SQSTM1: variants seen among roughly 807,000 people sequenced by gnomAD.
SQSTM1 encodes sequestosome-1.
In SQSTM1, 36 loss-of-function variants were observed where a neutral mutation model predicts 45.1. That is an observed-to-expected ratio of 0.80 (90% CI 0.61 to 1.05). The LOEUF (loss-of-function observed/expected upper bound fraction) is 1.05, where lower values mean the gene tolerates loss of function less well. Among genes scored for constraint, SQSTM1 ranks in the 50% least tolerant of loss-of-function variants. The pLI is 0.00. For synonymous variants in SQSTM1, 290 were observed against 244.3 expected, an observed-to-expected ratio of 1.19 and a Z score of -1.74; for missense variants, 617 against 607.1, an observed-to-expected ratio of 1.02 and a Z score of -0.17.
upstream of SQSTM1, among the ~76,000 whole-genome samples, chr5:179,818,012 CAAAAAAAAAAAAAA>C (rs528143529): frequency 1.4e-4 from 4 of 29,182 alleles, no homozygotes; most frequent in African/African-American, 3.6e-4. Context: ...GAGACTGTCT[CAAAAAAAAAAAAAA>C]AAAAAAAAAA....
intron 1 of SQSTM1, among the ~76,000 whole-genome samples, chr5:179,809,368 G>A (rs1485668942): frequency 9.0e-6 from 1 of 110,664 alleles, no homozygotes; most frequent in South Asian, 3.0e-4. Context: ...ACAGAGTCTC[G>A]CTATGTCGCC....
At chr5:179,811,905 C>G (rs577572718) in intron 2 of SQSTM1, 2 of 152,176 alleles carry the variant, frequency 1.3e-5, no homozygotes, top group Admixed American at 6.6e-5. Context: ...CCCGGGTTCA[C>G]ACCATTCTCC....
chr5:179,814,914 C>T (rs1271837546), upstream of SQSTM1, among the ~76,000 whole-genome samples: 1 of 152,128 alleles, frequency 6.6e-6, no homozygotes, highest in Non-Finnish European at 1.5e-5. Context: ...AAAGTGAGAC[C>T]TTGTCTCTAA....
intron 5 of SQSTM1, among the ~76,000 whole-genome samples, chr5:179,831,429 A>G (rs928958507): frequency 1.3e-5 from 2 of 152,192 alleles, no homozygotes; most frequent in Non-Finnish European, 2.9e-5. Flanking sequence ...TGGGAGGCCA[A>G]GGCAGGCAGA....
At chr5:179,827,583 C>T (rs1222984236) in intron 5 of SQSTM1, among the ~76,000 whole-genome samples, 1 of 152,168 alleles carries the variant, frequency 6.6e-6, no homozygotes, top group Non-Finnish European at 1.5e-5. Context: ...TGCACCCGGC[C>T]CTCAGATGTC....
chr5:179,836,620 C>A lies in SQSTM1; in HGVS notation c.*27C>A. On this transcript the variant is annotated 3_prime_UTR_variant, in exon 8 of 8. Coordinates refer to ENST00000389805, the MANE Select transcript of SQSTM1 (RefSeq NM_003900.5). ...CACTTTTGCCCACCTCTTCTGCGTG[C>A]CCCTCTTCTGTCTCATAGTTGTGTT... 1 of 1,611,558 alleles carries A rather than the reference C, an allele frequency of 6.2e-7. No individual in the cohort carries two copies. The highest frequency in any genetic ancestry group is 8.5e-7 in the Non-Finnish European group (1 of 1,179,950).
chr5:179,822,114 AT>A (rs1335250077), intron 1 of SQSTM1, among the ~76,000 whole-genome samples: 1 of 152,118 alleles, frequency 6.6e-6, no homozygotes, highest in Non-Finnish European at 1.5e-5. Context: ...TCACCCTCTT[AT>A]CCACATGCCC....
chr5:179,837,941 A>G lies in SQSTM1; in HGVS notation c.*1348A>G. 1 of 1,535,916 alleles carries G rather than the reference A, an allele frequency of 6.5e-7. No homozygotes were observed. The highest frequency in any genetic ancestry group is 1.2e-5 in the South Asian group (1 of 84,676). On this transcript the variant is annotated 3_prime_UTR_variant, in exon 8 of 8. Coordinates refer to ENST00000389805, the MANE Select transcript of SQSTM1 (RefSeq NM_003900.5). ...TGTAAGAACAATGCCAGGGCCCAGG[A>G]GGACCGCCTGCCCTGCCTGGGCCTT...
intron 4 of SQSTM1, 52 bp downstream of exon 4, chr5:179,824,375 C>T: frequency 1.2e-6 from 2 of 1,612,744 alleles, no homozygotes; most frequent in Non-Finnish European, 1.7e-6. Flanking sequence ...GTCAGGCAGC[C>T]TGTGTGCAGG....
chr5:179,821,380 G>A (rs953865962), intron 1 of SQSTM1, among the ~76,000 whole-genome samples: 1 of 152,198 alleles, frequency 6.6e-6, no homozygotes, highest in Admixed American at 6.5e-5. Context: ...CCCTGGGGCG[G>A]TGGAGCCCTG....
chr5:179,820,876 A>G, upstream of SQSTM1: 3 of 1,401,200 alleles, frequency 2.1e-6, no homozygotes, highest in East Asian at 3.1e-5. Flanking sequence ...CGCGTTCGCT[A>G]CAAAAGCCGC....
intron 5 of SQSTM1, among the ~76,000 whole-genome samples, chr5:179,829,178 C>T (rs1214322438): frequency 6.6e-6 from 1 of 152,212 alleles, no homozygotes; most frequent in African/African-American, 2.4e-5. Context: ...GCATGGGATA[C>T]TAGAGACAGG....
chr5:179,806,533 G>C lies in SQSTM1; in HGVS notation c.-215G>C. ...CGTACCAGGACAGCGAGAGGAAGGCGCACAGGCAGAAGAGCAGCAGCGTCA... is the reference window on the plus strand; with the variant it reads ...CGTACCAGGACAGCGAGAGGAAGGCCCACAGGCAGAAGAGCAGCAGCGTCA... On this transcript the variant is annotated 5_prime_UTR_variant, in exon 1 of 6. Transcript: ENST00000514093. The surrounding 1 kb of genome is among the most constrained non-coding windows in gnomAD (Gnocchi z 4.6). 1.5e-6 allele frequency: 2 copies of C among 1,338,530 alleles called. No homozygotes were observed. The highest frequency in any genetic ancestry group is 8.5e-5 in the East Asian group (2 of 23,456). 82.9% of individuals were successfully genotyped at this position (1,338,530 alleles called of 1,614,324 possible).
Position 179,824,328 on chromosome 5 carries a change from G to A in SQSTM1, c.673+5G>A, listed in dbSNP as rs765998337. The A allele has an allele frequency of 6.2e-7, 1 of 1,613,508 alleles. No homozygotes were observed. Among genetic ancestry groups the A allele is most frequent in the Non-Finnish European group, 8.5e-7 (1 of 1,180,040 alleles). On this transcript the variant is annotated splice_donor_5th_base_variant and intron_variant, in intron 4 of 7. Transcript: ENST00000389805. Reference sequence around the variant, plus strand: ...CTGGCCCCACGGCAGAATCAGGTGAGGCTTGTGTTGGAACCTGCTTCTGAT... The same window carrying A: ...CTGGCCCCACGGCAGAATCAGGTGAAGCTTGTGTTGGAACCTGCTTCTGAT...
At chr5:179,812,407 G>C (rs2113463051) in intron 2 of SQSTM1, 1 of 152,328 alleles carries the variant, frequency 6.6e-6, no homozygotes, top group South Asian at 2.1e-4. Flanking sequence ...GGAATCCTAG[G>C]TTTTCAGCAG....
In SQSTM1 at chr5:179,824,030, C is replaced by G. The variant is rs35266480; in HGVS notation, c.474C>G (p.Gly158=). Residue 158 remains glycine (G), a synonymous_variant, in exon 3 of 8, where the codon GGC becomes GGG. Coordinates refer to ENST00000389805, the MANE Select transcript of SQSTM1 (RefSeq NM_003900.5). ...YDLCSVCEGK[G]LHRGHTKLAF... is the part of the protein sequence containing the mutation. ...TGTGTAGCGTCTGCGAGGGAAAGGGCTTGCACCGGGGGCACACCAAGCTCG... is the reference window on the plus strand; with the variant it reads ...TGTGTAGCGTCTGCGAGGGAAAGGGGTTGCACCGGGGGCACACCAAGCTCG... The G allele has an allele frequency of 6.2e-7, 1 of 1,614,004 alleles. No homozygotes were observed. Among genetic ancestry groups the G allele is most frequent in the South Asian group, 1.1e-5 (1 of 91,084 alleles).
At chr5:179,817,528 C>T (rs919672793), upstream of SQSTM1, among the ~76,000 whole-genome samples, 2 of 152,272 alleles carry the variant, frequency 1.3e-5, no homozygotes, top group African/African-American at 4.8e-5. Context: ...TCTGGCCTTC[C>T]AGTAGGAGAG....
intron 7 of SQSTM1, chr5:179,835,975 T>A: frequency 3.8e-6 from 1 of 264,264 alleles, no homozygotes; most frequent in African/African-American, 2.2e-5. Flanking sequence ...CCAGATATCA[T>A]CTTTAACTCC....
At chr5:179,832,901 GA>G (rs1758302271) in intron 5 of SQSTM1, 130 bp from the exon 6 acceptor site, 1 of 933,078 alleles carries the variant, frequency 1.1e-6, no homozygotes, top group Non-Finnish European at 1.7e-6. Flanking sequence ...CCACCATCCA[GA>G]CACTTAGCTG....
Sources: gnomAD v4.1 joint callset for allele counts (sites outside exome capture counted in the v4.1 genomes callset) on GRCh38, gnomAD v4.1.1 for gene constraint, Gnocchi (gnomAD v3.1) non-coding constraint, MANE v1.5 for transcripts, NCBI Gene and HGNC (gene_info 2026-07-23, HGNC 2026-07-21) for gene names.